Variants in PRDM5 observed in about 807,000 individuals in gnomAD.
PRDM5 encodes the protein PR domain zinc finger protein 5.
PRDM5 carries 56 observed loss-of-function variants against 81.2 expected under a neutral mutation model. The ratio of observed to expected loss-of-function variants is 0.69; its 90% CI spans 0.56 to 0.86. The LOEUF (loss-of-function observed/expected upper bound fraction) is 0.86. Ranked by LOEUF, PRDM5 falls within the 40% of genes least tolerant of loss-of-function variation. The pLI, the probability that PRDM5 is intolerant of heterozygous loss-of-function variation, is 0.00. For missense variants in PRDM5, 697 were observed against 770.1 expected (o/e 0.91, Z 1.12); for synonymous variants, 267 against 256.4 (o/e 1.04, Z -0.39).
At position 120,693,137 on chromosome 4, in the gene PRDM5, A is replaced by G. The variant is rs1734184020; in HGVS notation, c.*1974T>C. 1.3e-5 allele frequency: 2 copies of G among 152,110 alleles called. No individual in the cohort carries two copies. The highest frequency in any genetic ancestry group is 6.6e-5 in the Admixed American group (1 of 15,228). The allele number at this position is 152,110 out of a possible 1,614,324, so 9.4% of individuals were successfully genotyped here. Reference sequence around the variant, plus strand: ...TGCCTGTCTGTTTACTCCACAGCATAGCGACACCACAGTTTTCAGGGTAAT... The same window carrying G: ...TGCCTGTCTGTTTACTCCACAGCATGGCGACACCACAGTTTTCAGGGTAAT... On this transcript the variant is annotated 3_prime_UTR_variant, in exon 16 of 16. Transcript: ENST00000264808.
intron 2 of PRDM5, among the ~76,000 whole-genome samples, chr4:120,903,441 T>C (rs1765426115): frequency 6.6e-6 from 1 of 152,228 alleles, no homozygotes; most frequent in South Asian, 2.1e-4. Flanking sequence ...ACTCAGGGTT[T>C]GGAAGCAGCT....
chr4:120,827,533 T>C (rs1756162728), intron 3 of PRDM5, among the ~76,000 whole-genome samples: 1 of 152,136 alleles, frequency 6.6e-6, no homozygotes, highest in South Asian at 2.1e-4. Flanking sequence ...AATACAGTGA[T>C]ATTCAAATAA....
At chr4:120,808,144 G>T (rs1328785247) in intron 8 of PRDM5, among the ~76,000 whole-genome samples, 1 of 152,182 alleles carries the variant, frequency 6.6e-6, no homozygotes, top group Non-Finnish European at 1.5e-5. Flanking sequence ...AAGGGGACCT[G>T]AGCGGGTTGC....
intron 2 of PRDM5, among the ~76,000 whole-genome samples, chr4:120,901,440 GGA>G (rs1765213947): frequency 6.6e-6 from 1 of 152,316 alleles, no homozygotes; most frequent in South Asian, 2.1e-4. Context: ...GAATGATCCA[GGA>G]GACAGACGTA....
chr4:120,861,153 G>A (rs536658321), intron 2 of PRDM5, among the ~76,000 whole-genome samples: 2 of 152,180 alleles, frequency 1.3e-5, no homozygotes, highest in East Asian at 3.9e-4. Flanking sequence ...GATTACAGAT[G>A]TGTACCACTT....
At chr4:120,742,444 G>C (rs975682471) in intron 14 of PRDM5, among the ~76,000 whole-genome samples, 37 of 152,354 alleles carry the variant, frequency 2.4e-4, no homozygotes, top group African/African-American at 8.2e-4. Flanking sequence ...ACTTTGACGA[G>C]TTGAGAGAAG....
At chr4:120,750,837 G>A (rs899508630) in intron 14 of PRDM5, among the ~76,000 whole-genome samples, 2 of 152,082 alleles carry the variant, frequency 1.3e-5, no homozygotes, top group Middle Eastern at 3.4e-3. Context: ...TTCACAGATG[G>A]CCCTGATGGT....
At chr4:120,816,700 C>T (rs1305260086) in intron 6 of PRDM5, 126 bp from the exon 7 acceptor site, 7 of 1,513,130 alleles carry the variant, frequency 4.6e-6, no homozygotes, top group African/African-American at 1.4e-5. Context: ...CATGCATTAC[C>T]TATGCAGGTA....
chr4:120,822,520 G>A (rs1053270270), intron 3 of PRDM5, among the ~76,000 whole-genome samples: 1 of 152,068 alleles, frequency 6.6e-6, no homozygotes, highest in African/African-American at 2.4e-5. Flanking sequence ...TAGGAGAGAG[G>A]GGAGGAAGGA....
chr4:120,779,850 C>T (rs528816240), intron 12 of PRDM5, among the ~76,000 whole-genome samples: 56 of 151,968 alleles, frequency 3.7e-4, no homozygotes, highest in Non-Finnish European at 6.0e-4. Flanking sequence ...TTGTGGAGAG[C>T]GGAGAGCCGA....
intron 2 of PRDM5, among the ~76,000 whole-genome samples, chr4:120,855,989 A>C (rs1350837125): frequency 2.6e-5 from 4 of 152,234 alleles, no homozygotes; most frequent in Non-Finnish European, 5.9e-5. Flanking sequence ...CAAAGATACG[A>C]AACAGAAGAA....
intron 10 of PRDM5, among the ~76,000 whole-genome samples, chr4:120,786,332 A>C (rs557384356): frequency 6.6e-6 from 1 of 152,316 alleles, no homozygotes; most frequent in East Asian, 1.9e-4. Flanking sequence ...GATAAATCAC[A>C]GATAATCTAA....
intron 15 of PRDM5, among the ~76,000 whole-genome samples, chr4:120,706,998 G>T (rs1044104986): frequency 2.6e-5 from 4 of 151,742 alleles, no homozygotes; most frequent in African/African-American, 4.8e-5. Flanking sequence ...ATTTAAAGAA[G>T]AATTAATACC....
intron 2 of PRDM5, among the ~76,000 whole-genome samples, chr4:120,886,710 C>T (rs967755525): frequency 2.6e-5 from 4 of 152,008 alleles, no homozygotes; most frequent in African/African-American, 9.7e-5. Context: ...ATGAAATGAA[C>T]TTTTATTCAA....
At chr4:120,745,905 C>G (rs949223902) in intron 14 of PRDM5, among the ~76,000 whole-genome samples, 2 of 149,272 alleles carry the variant, frequency 1.3e-5, no homozygotes, top group Admixed American at 6.6e-5. Context: ...CTACCAATGC[C>G]TTTCTTCACA....
At chr4:120,736,304 T>C (rs900214456) in intron 14 of PRDM5, among the ~76,000 whole-genome samples, 1 of 151,860 alleles carries the variant, frequency 6.6e-6, no homozygotes, top group East Asian at 1.9e-4. Flanking sequence ...ATCTTTGCTA[T>C]TGTGAATAGT....
intron 2 of PRDM5, among the ~76,000 whole-genome samples, chr4:120,858,367 T>C (rs2148487291): frequency 6.6e-6 from 1 of 152,194 alleles, no homozygotes; most frequent in East Asian, 1.9e-4. Flanking sequence ...AAAGCAAGTG[T>C]GCTCAAGTAG....
intron 14 of PRDM5, among the ~76,000 whole-genome samples, chr4:120,725,694 G>A (rs1250908656): frequency 7.1e-6 from 1 of 141,754 alleles, no homozygotes; most frequent in Non-Finnish European, 1.6e-5. Flanking sequence ...GAAAGCTCAT[G>A]TTAAGAACAA....
intron 15 of PRDM5, among the ~76,000 whole-genome samples, chr4:120,709,643 A>C (rs944386475): frequency 1.3e-5 from 2 of 152,152 alleles, no homozygotes; most frequent in Non-Finnish European, 2.9e-5. Context: ...TTTTTCTTAC[A>C]TTGATTCCCT....
Sources: allele counts gnomAD v4.1 joint callset (sites outside exome capture counted in the v4.1 genomes callset), GRCh38; gene constraint gnomAD v4.1.1; transcripts MANE v1.5; gene names NCBI Gene and HGNC (gene_info 2026-07-23, HGNC 2026-07-21).